MPND: variants seen among roughly 807,000 people sequenced by gnomAD.
MPND encodes MPN domain-containing protein.
A neutral mutation model predicts 59.2 loss-of-function variants in MPND; 56 were observed. The ratio of observed to expected loss-of-function variants is 0.95; its 90% confidence interval spans 0.76 to 1.18. The LOEUF is 1.18. Among genes scored for constraint, MPND ranks in the 50% most tolerant of loss-of-function variants. MPND has a pLI of 0.00. For synonymous variants in MPND, 323 were observed against 291.9 expected, an observed-to-expected ratio of 1.11 and a Z score of -1.09; for missense variants, 671 against 676.0, an observed-to-expected ratio of 0.99 and a Z score of 0.08.
intron 2 of MPND, among the ~76,000 whole-genome samples, 176 bp from the exon 3 acceptor site, chr19:4,345,569 C>G (rs577646614): frequency 1.3e-5 from 2 of 152,076 alleles, no homozygotes; most frequent in African/African-American, 4.8e-5. Flanking sequence ...GCAGGCTGAT[C>G]AGGTTTGTGG....
intron 9 of MPND, 22 bp from the exon 10 acceptor site, chr19:4,357,493 C>T (rs774850152): frequency 4.3e-6 from 7 of 1,611,872 alleles, no homozygotes; most frequent in Non-Finnish European, 5.9e-6. Context: ...CAGGGCCAAC[C>T]CCTCTCCCTC....
intron 6 of MPND, chr19:4,354,647 C>T (rs1972394696): frequency 3.3e-6 from 2 of 598,832 alleles, no homozygotes; most frequent in African/African-American, 1.9e-5. Context: ...CAGCGGGTCA[C>T]CTGAACTCAG....
chr19:4,352,700 A>AT (rs1374691719), intron 3 of MPND, among the ~76,000 whole-genome samples, 197 bp from the exon 4 acceptor site: 1 of 135,154 alleles, frequency 7.4e-6, no homozygotes, highest in African/African-American at 2.9e-5. Context: ...AAATAAATAA[A>AT]AAATAAATTA....
rs1019723246 is a variant in MPND at position 4,343,991 on chromosome 19, C to T, written c.291C>T (p.Tyr97=). Residue 97 remains tyrosine, a synonymous_variant, in exon 2 of 13, where the codon TAC becomes TAT. Transcript: ENST00000599840. ...GCGCCGGGGTGCTGTCCATCTACTA[C>T]CTGGTGAGCACCCCGCCTCCCTCGT... ...EPGAGVLSIY[Y]LGKKFLGDLQ... 3.3e-5 allele frequency: 45 copies of T among 1,346,030 alleles called. No individual in the cohort carries two copies. Among genetic ancestry groups the T allele is most frequent in the Admixed American group, 6.9e-5 (2 of 28,876 alleles). The allele number at this position is 1,346,030 out of a possible 1,614,324, so 83.4% of individuals were successfully genotyped here.
intron 8 of MPND, chr19:4,356,920 G>A (rs185557449): frequency 7.3e-5 from 16 of 219,858 alleles, no homozygotes; most frequent in South Asian, 1.8e-4. Context: ...GATTATAGGC[G>A]TGAGCCACTG....
chr19:4,356,988 G>C, intron 8 of MPND: 1 of 370,812 alleles, frequency 2.7e-6, no homozygotes, highest in East Asian at 4.1e-5. Context: ...CCATTATTCT[G>C]TAAGCTGGGC....
intron 8 of MPND, 134 bp from the exon 9 acceptor site, chr19:4,357,119 C>T: frequency 4.5e-6 from 4 of 891,832 alleles, no homozygotes; most frequent in Non-Finnish European, 6.2e-6. Context: ...GCGGTGGGGG[C>T]AGGGCCTGTC....
rs1210687138 is a variant in MPND, at chr19:4,353,040, T to C, written c.664+11T>C. 7 of 1,328,262 alleles carry C rather than the reference T, an allele frequency of 5.3e-6. No homozygotes were observed. The highest frequency in any genetic ancestry group is 1.5e-5 in the African/African-American group (1 of 66,194). The allele number at this position is 1,328,262 out of a possible 1,614,324, so 82.3% of individuals were successfully genotyped here. On this transcript the variant is annotated intron_variant, in intron 4 of 12. Coordinates refer to ENST00000599840, the MANE Select transcript of MPND (RefSeq NM_001300862.2). The stretch of plus-strand genomic sequence containing the variant: ...AGCCTGCCCACCCGGGTGAGAGGCG[T>C]GGGGAGGGGAGGCAGGACAGGGGCG...
At chr19:4,351,913 C>A (rs1259886216) in intron 3 of MPND, among the ~76,000 whole-genome samples, 2 of 150,318 alleles carry the variant, frequency 1.3e-5, no homozygotes, top group Non-Finnish European at 3.0e-5. Flanking sequence ...TGGCTCACAC[C>A]TGTAATGCCA....
intron 11 of MPND, among the ~76,000 whole-genome samples, chr19:4,358,621 C>T (rs1043353393): frequency 6.6e-6 from 1 of 152,212 alleles, no homozygotes; most frequent in African/African-American, 2.4e-5. Context: ...AACCCTGTCA[C>T]TACCAAGATA....
rs117613418 is a variant in MPND at position 4,354,083 on chromosome 19, C to T, written c.703C>T (p.Arg235Trp). The T allele has an allele frequency of 4.2e-3, 6,798 of 1,613,410 alleles. 20 individuals carry two copies. The highest frequency in any genetic ancestry group is 5.2e-3 in the Non-Finnish European group (6,171 of 1,179,430). ...TPGKRVDSKIRVPVRYCMLGS... is the reference protein window; with the variant it reads ...TPGKRVDSKIWVPVRYCMLGS... ...AGGGAAGCGGGTGGACAGCAAGATC[C>T]GGGTTCCGGTCCGCTACTGCATGCT... is the stretch of plus-strand genomic sequence containing the variant. The change falls in exon 5 of 13, where the codon CGG becomes TGG. Residue 235 changes from arginine to tryptophan, a missense_variant. Transcript: ENST00000599840.
Position 4,343,711 on chromosome 19 carries a change from C to T in MPND, c.11C>T (p.Pro4Leu), listed in dbSNP as rs1972120105. The change falls in exon 2 of 13, where the codon CCG becomes CTG. Residue 4 changes from proline (P) to leucine (L), a missense_variant. Coordinates refer to ENST00000599840, the MANE Select transcript of MPND (RefSeq NM_001300862.2). MAA[P>L]EPLSPAGGAG... The stretch of plus-strand genomic sequence containing the variant: ...TGCAGCCTCTCGCTGTCCGCAGCTC[C>T]GGAGCCGCTGTCCCCGGCGGGCGGT... 2 of 1,201,364 alleles carry T rather than the reference C, an allele frequency of 1.7e-6. No homozygotes were observed. The highest frequency in any genetic ancestry group is 1.6e-5 in the African/African-American group (1 of 63,076). 74.4% of individuals were successfully genotyped at this position (1,201,364 alleles called of 1,614,324 possible).
intron 2 of MPND, 32 bp from the exon 3 acceptor site, chr19:4,345,713 T>C: frequency 6.2e-7 from 1 of 1,607,126 alleles, no homozygotes; most frequent in Non-Finnish European, 8.5e-7. Context: ...TGGGTGTTGG[T>C]CCTGGGCCCA....
intron 8 of MPND, chr19:4,356,636 CT>C (rs11453629): frequency 3.1e-4 from 46 of 147,476 alleles, no homozygotes; most frequent in South Asian, 6.5e-4. Flanking sequence ...AGTTGCTATT[CT>C]TTTTTTTTTT....
intron 3 of MPND, among the ~76,000 whole-genome samples, chr19:4,346,561 C>T (rs899973656): frequency 4.0e-5 from 6 of 151,868 alleles, no homozygotes; most frequent in African/African-American, 1.2e-4. Flanking sequence ...GGACTACAGA[C>T]GCATGCCACC....
chr19:4,354,594 C>T, intron 6 of MPND, 174 bp downstream of exon 6: 2 of 632,700 alleles, frequency 3.2e-6, no homozygotes, highest in Non-Finnish European at 5.5e-6. Context: ...TGGCCAGGCC[C>T]AGTGGCTCAC....
At chr19:4,350,946 G>A (rs923081160) in intron 3 of MPND, among the ~76,000 whole-genome samples, 4 of 152,076 alleles carry the variant, frequency 2.6e-5, no homozygotes, top group Admixed American at 6.6e-5. Flanking sequence ...CCAGGCGAGC[G>A]TGGGATCCGG....
At chr19:4,345,195 C>T (rs868568428) in intron 2 of MPND, among the ~76,000 whole-genome samples, 6 of 151,358 alleles carry the variant, frequency 4.0e-5, no homozygotes, top group African/African-American at 1.2e-4. Context: ...TACAGGCACC[C>T]GCCACCACGC....
rs765260985 is a variant in MPND at position 4,357,975 on chromosome 19, G to T, written c.1237-108G>T. 6 of 853,332 alleles carry T rather than the reference G, an allele frequency of 7.0e-6. No homozygotes were observed. The Middle Eastern group carries it at 9.8e-4, about 139-fold the overall frequency. 52.9% of individuals were successfully genotyped at this position (853,332 alleles called of 1,614,324 possible). A position where few individuals can be genotyped will look rare whatever the true frequency, so the allele number is the denominator to read the frequency against. Reference sequence around the variant, plus strand: ...GGTGCCGATCCCGGTGCAGAGCTGAGCCGGGGTGTGCACTCTCCCGTTCCC... The same window carrying T: ...GGTGCCGATCCCGGTGCAGAGCTGATCCGGGGTGTGCACTCTCCCGTTCCC... On this transcript the variant is annotated intron_variant, in intron 10 of 12. Coordinates refer to ENST00000599840, the MANE Select transcript of MPND (RefSeq NM_001300862.2).
Sources: gnomAD v4.1 joint callset for allele counts (sites outside exome capture counted in the v4.1 genomes callset) on GRCh38, gnomAD v4.1.1 for gene constraint, MANE v1.5 for transcripts, NCBI Gene and HGNC (gene_info 2026-07-23, HGNC 2026-07-21) for gene names.